ST6GALNAC3: variants seen among roughly 807,000 people sequenced by gnomAD.
The protein encoded by ST6GALNAC3 is alpha-N-acetylgalactosaminide alpha-2,6-sialyltransferase 3.
A neutral mutation model predicts 32.7 loss-of-function variants in ST6GALNAC3; 25 were observed. The observed-to-expected ratio is 0.76, with a 90% CI of 0.56 to 1.07. ST6GALNAC3 has a LOEUF of 1.07. ST6GALNAC3 is among the 50% of genes least tolerant of loss of function. ST6GALNAC3 has a pLI of 0.00. For synonymous variants in ST6GALNAC3, 129 were observed against 133.1 expected (o/e 0.97, Z 0.21); for missense variants, 355 against 382.4 (o/e 0.93, Z 0.60).
chr1:76,121,696 A>T (rs1323863444), intron 1 of ST6GALNAC3, among the ~76,000 whole-genome samples: 1 of 152,128 alleles, frequency 6.6e-6, no homozygotes. Flanking sequence ...AGCCTGGGCA[A>T]CAGAGCCAGA....
intron 3 of ST6GALNAC3, among the ~76,000 whole-genome samples, chr1:76,548,306 G>A (rs2100341941): frequency 6.6e-6 from 1 of 152,218 alleles, no homozygotes; most frequent in East Asian, 1.9e-4. Context: ...GCAAATAAGA[G>A]GAAACTGTAT....
At chr1:76,435,326 GA>G (rs1321587195) in intron 3 of ST6GALNAC3, among the ~76,000 whole-genome samples, 1 of 152,048 alleles carries the variant, frequency 6.6e-6, no homozygotes, top group Non-Finnish European at 1.5e-5. Flanking sequence ...TATATGTGGG[GA>G]AAACAAATGA....
intron 1 of ST6GALNAC3, among the ~76,000 whole-genome samples, chr1:76,140,612 CT>C (rs1650252168): frequency 7.6e-6 from 1 of 130,868 alleles, no homozygotes; most frequent in Non-Finnish European, 1.6e-5. Flanking sequence ...CTCTTTCTTT[CT>C]TTCTTTTCTT....
intron 1 of ST6GALNAC3, among the ~76,000 whole-genome samples, chr1:76,122,829 T>C (rs1245839574): frequency 1.3e-5 from 2 of 152,146 alleles, no homozygotes; most frequent in Non-Finnish European, 2.9e-5. Context: ...GACTCTGTTG[T>C]GCATATGCGG....
chr1:76,341,654 TTTCTTTCTTTCTTTCTTTCTTTCTTTCC>T (rs1648018427), intron 2 of ST6GALNAC3, among the ~76,000 whole-genome samples: 2 of 145,984 alleles, frequency 1.4e-5, no homozygotes, highest in Admixed American at 6.9e-5. Context: ...TCTTTCTTTC[TTTCTTTCTTTCTTTCTTTCTTTCTTTCC>T]TTCTTTCTTT....
chr1:76,355,073 C>A (rs1649325661), intron 2 of ST6GALNAC3, among the ~76,000 whole-genome samples: 1 of 152,060 alleles, frequency 6.6e-6, no homozygotes, highest in Non-Finnish European at 1.5e-5. Context: ...CCAGAACAAT[C>A]ATGTAGGTTC....
intron 1 of ST6GALNAC3, among the ~76,000 whole-genome samples, chr1:76,199,410 C>T (rs549551941): frequency 1.4e-4 from 21 of 152,282 alleles, no homozygotes; most frequent in Middle Eastern, 3.4e-3. Flanking sequence ...AGTAGTAGAG[C>T]TGTGCTTCTG....
At chr1:76,549,469 A>C (rs1429254474) in intron 3 of ST6GALNAC3, among the ~76,000 whole-genome samples, 1 of 151,450 alleles carries the variant, frequency 6.6e-6, no homozygotes, top group Non-Finnish European at 1.5e-5. Flanking sequence ...TATAGATTAT[A>C]TAAATACTAA....
intron 1 of ST6GALNAC3, among the ~76,000 whole-genome samples, chr1:76,128,295 A>G (rs768718146): frequency 4.6e-5 from 7 of 152,214 alleles, no homozygotes; most frequent in Non-Finnish European, 1.0e-4. Context: ...AAAGTGGAAG[A>G]CTGTACCCAG....
At chr1:76,474,309 T>C (rs1659213392) in intron 3 of ST6GALNAC3, among the ~76,000 whole-genome samples, 1 of 152,148 alleles carries the variant, frequency 6.6e-6, no homozygotes, top group South Asian at 2.1e-4. Flanking sequence ...AATCCAGATG[T>C]CAGGCAATGA....
At chr1:76,344,280 T>A (rs921484981) in intron 2 of ST6GALNAC3, among the ~76,000 whole-genome samples, 3 of 152,182 alleles carry the variant, frequency 2.0e-5, no homozygotes, top group African/African-American at 7.2e-5. Flanking sequence ...TGGGAAGACA[T>A]GAAAGCCTGT....
At chr1:76,231,217 A>G (rs1246258448) in intron 1 of ST6GALNAC3, among the ~76,000 whole-genome samples, 1 of 152,236 alleles carries the variant, frequency 6.6e-6, no homozygotes, top group Non-Finnish European at 1.5e-5. Flanking sequence ...TGAACAAGCC[A>G]GGTCCAGCTG....
At chr1:76,483,901 C>A (rs186075819) in intron 3 of ST6GALNAC3, among the ~76,000 whole-genome samples, 19 of 142,360 alleles carry the variant, frequency 1.3e-4, no homozygotes, top group African/African-American at 4.9e-4. Context: ...TTTTTGTATA[C>A]GGTGCAAGGA....
intron 3 of ST6GALNAC3, among the ~76,000 whole-genome samples, chr1:76,420,342 T>C (rs145618447): frequency 6.6e-6 from 1 of 152,222 alleles, no homozygotes; most frequent in African/African-American, 2.4e-5. Flanking sequence ...AATCTGCTTG[T>C]AGTTGGATCC....
intron 1 of ST6GALNAC3, among the ~76,000 whole-genome samples, chr1:76,261,899 A>G (rs980802308): frequency 3.3e-5 from 5 of 152,190 alleles, no homozygotes; most frequent in Admixed American, 3.3e-4. Context: ...TCTAACAGTC[A>G]CTAAACCACA....
intron 3 of ST6GALNAC3, among the ~76,000 whole-genome samples, chr1:76,575,270 T>G (rs1034159363): frequency 6.6e-6 from 1 of 152,066 alleles, no homozygotes; most frequent in Non-Finnish European, 1.5e-5. Context: ...ATAAAACAAC[T>G]GAGTTTTCCC....
At chr1:76,297,004 T>C (rs1660442095) in intron 1 of ST6GALNAC3, among the ~76,000 whole-genome samples, 1 of 151,936 alleles carries the variant, frequency 6.6e-6, no homozygotes, top group Non-Finnish European at 1.5e-5. Flanking sequence ...TTGAAGAAAA[T>C]CATCATGTGT....
At chr1:76,569,949 T>A (rs926782075) in intron 3 of ST6GALNAC3, among the ~76,000 whole-genome samples, 13 of 152,226 alleles carry the variant, frequency 8.5e-5, no homozygotes, top group African/African-American at 3.1e-4. Context: ...ATTTTTCTCT[T>A]CAAAAATCAA....
At chr1:76,104,523 C>T (rs1383156381) in intron 1 of ST6GALNAC3, among the ~76,000 whole-genome samples, 1 of 152,016 alleles carries the variant, frequency 6.6e-6, no homozygotes, top group African/African-American at 2.4e-5. Flanking sequence ...TTCCTTGGCT[C>T]CTCAATATGT....
Sources: gnomAD v4.1 joint callset for allele counts (sites outside exome capture counted in the v4.1 genomes callset) on GRCh38, gnomAD v4.1.1 for gene constraint, MANE v1.5 for transcripts, NCBI Gene and HGNC (gene_info 2026-07-23, HGNC 2026-07-21) for gene names.